Variants in CYP4F11 observed in about 807,000 individuals in gnomAD.
CYP4F11 encodes the protein cytochrome P450 family 4 subfamily F member 11.
In CYP4F11, 79 loss-of-function variants were observed where a neutral mutation model predicts 62.2. The observed-to-expected ratio is 1.27, with a 90% CI of 1.06 to 1.53. CYP4F11 has a LOEUF of 1.53. Among genes scored for constraint, CYP4F11 ranks in the 40% most tolerant of loss-of-function variants. CYP4F11 has a pLI of 0.00. For synonymous variants in CYP4F11, 290 were observed against 263.7 expected, an observed-to-expected ratio of 1.10 and a Z score of -0.97; for missense variants, 777 against 680.5, an observed-to-expected ratio of 1.14 and a Z score of -1.58.
Position 15,913,648 on chromosome 19 carries a change from C to G in CYP4F11, c.*84G>C. On this transcript the variant is annotated 3_prime_UTR_variant, in exon 12 of 12. Coordinates refer to ENST00000402119, the MANE Select transcript of CYP4F11 (RefSeq NM_021187.4). ...CCCACCAGTCCCCAGGAGCCCCATG[C>G]TGGCTGTCAACGAGGCTCAAGCAGA... 1 of 1,545,802 alleles carries G rather than the reference C, an allele frequency of 6.5e-7. No homozygotes were observed.
At chr19:15,914,699 C>T in intron 9 of CYP4F11, 33 bp from the exon 10 acceptor site, 2 of 1,613,844 alleles carry the variant, frequency 1.2e-6, no homozygotes, top group Non-Finnish European at 1.7e-6. Context: ...CAGGACAAGG[C>T]CCCCCTGCCT....
At chr19:15,920,635 G>T (rs1333154408) in intron 8 of CYP4F11, among the ~76,000 whole-genome samples, 1 of 152,124 alleles carries the variant, frequency 6.6e-6, no homozygotes, top group Non-Finnish European at 1.5e-5. Context: ...TCCATCCCCA[G>T]CTCCTGGCCT....
At chr19:15,931,594 GAGTGAGTGAGGAGAGGAA>G (rs2089722006) in intron 1 of CYP4F11, among the ~76,000 whole-genome samples, 10 of 120,054 alleles carry the variant, frequency 8.3e-5, no homozygotes, top group Admixed American at 2.4e-4. Flanking sequence ...GGAGAGGAAT[GAGTGAGTGAGGAGAGGAA>G]TGAGTGAGCG....
chr19:15,915,047 G>GAAAA, intron 8 of CYP4F11, 152 bp from the exon 9 acceptor site: 1 of 1,336,398 alleles, frequency 7.5e-7, no homozygotes, highest in South Asian at 1.8e-5. Context: ...AAAAAAATTA[G>GAAAA]AAAAGCAGAA....
At chr19:15,925,778 G>A (rs960995114) in intron 4 of CYP4F11, among the ~76,000 whole-genome samples, 16 of 147,610 alleles carry the variant, frequency 1.1e-4, no homozygotes, top group South Asian at 2.1e-4. Flanking sequence ...TGTTTGGGCC[G>A]TTTCTCAGAA....
chr19:15,918,449 T>A (rs75374818), intron 8 of CYP4F11, among the ~76,000 whole-genome samples: 22,294 of 151,980 alleles, frequency 0.15, 1,860 homozygotes, highest in South Asian at 0.29. Flanking sequence ...TTGAAAAAAA[T>A]AATAATAATA....
At chr19:15,926,854 T>A (rs368838771) in intron 4 of CYP4F11, among the ~76,000 whole-genome samples, 1 of 33,078 alleles carries the variant, frequency 3.0e-5, no homozygotes, top group South Asian at 9.8e-4. Flanking sequence ...ACCAGCCAAC[T>A]GTCTCACACA....
intron 11 of CYP4F11, 108 bp from the exon 12 acceptor site, chr19:15,914,017 G>A: frequency 1.5e-6 from 2 of 1,350,786 alleles, no homozygotes; most frequent in Non-Finnish European, 2.0e-6. Flanking sequence ...AGGCTTGAGG[G>A]GCAGAAAGAG....
intron 5 of CYP4F11, among the ~76,000 whole-genome samples, chr19:15,924,504 C>G (rs2089654137): frequency 2.6e-5 from 4 of 152,194 alleles, no homozygotes; most frequent in Non-Finnish European, 1.5e-5. Context: ...CAACCCTCTT[C>G]AAAAGATTCC....
At chr19:15,920,856 A>C (rs2886294) in intron 8 of CYP4F11, among the ~76,000 whole-genome samples, 51,160 of 151,558 alleles carry the variant, frequency 0.34, 9,288 homozygotes, top group Non-Finnish European at 0.41. Context: ...ATCATGACTC[A>C]GTTTCTCCCT....
At position 15,924,833 on chromosome 19, in the gene CYP4F11, A is replaced by G. The variant is rs748534899; in HGVS notation, c.575T>C (p.Phe192Ser). The change falls in exon 5 of 12, where the codon TTT (phenylalanine) becomes TCT (serine). Residue 192 changes from phenylalanine (F) to serine (S), a missense_variant. Transcript: ENST00000402119. ...CAAGGTCATGAGGCTGATGTGTTCA[A>G]ACATGTCCAGTCTGGCGCTGCCCTC... Reference protein sequence around the residue: ...ASEGSARLDMFEHISLMTLDS... With the variant: ...ASEGSARLDMSEHISLMTLDS... 5 of 1,613,162 alleles carry G rather than the reference A, an allele frequency of 3.1e-6. No homozygotes were observed. In the South Asian group the frequency reaches 5.5e-5, roughly 18 times the overall value.
chr19:15,913,877 T>C lies in CYP4F11; in HGVS notation c.1430A>G (p.Glu477Gly). ...GGTGAGCGCCAGGACCACCTTCATC[T>C]CAGCCATGGCGAACGCCTGCCCGAT... Reference protein sequence around the residue: ...NCIGQAFAMAEMKVVLALTLL... With the variant: ...NCIGQAFAMAGMKVVLALTLL... The change falls in exon 12 of 12, where the codon GAG becomes GGG. Residue 477 changes from glutamate (E) to glycine (G), a missense_variant. Physicochemically the swap from Glu to Gly is moderately conservative, Grantham distance 98. Coordinates refer to ENST00000402119, the MANE Select transcript of CYP4F11 (RefSeq NM_021187.4). 1.9e-6 allele frequency: 3 copies of C among 1,614,000 alleles called. No individual in the cohort carries two copies.
At chr19:15,931,551 AAT>A (rs2089718692) in intron 1 of CYP4F11, among the ~76,000 whole-genome samples, 11 of 114,634 alleles carry the variant, frequency 9.6e-5, no homozygotes, top group Non-Finnish European at 1.9e-4. Flanking sequence ...CGGGGAGAGG[AAT>A]GAGTGAGCGA....
At chr19:15,925,760 C>CACA (rs755939858) in intron 4 of CYP4F11, among the ~76,000 whole-genome samples, 2 of 65,338 alleles carry the variant, frequency 3.1e-5, no homozygotes, top group Non-Finnish European at 3.4e-5. Context: ...ACACACACAC[C>CACA]CTGTAGTTGT....
chr19:15,934,414 A>G lies in CYP4F11; in HGVS notation c.-6T>C. On this transcript the variant is annotated 5_prime_UTR_variant, in exon 1 of 12. Transcript: ENST00000402119. Reference sequence around the variant, plus strand: ...GACAGGCTCAGCTGCGGCATCCTGCAGGGCAGACGGGATGGAGGGTGGGAT... The same window carrying G: ...GACAGGCTCAGCTGCGGCATCCTGCGGGGCAGACGGGATGGAGGGTGGGAT... The G allele has an allele frequency of 1.9e-6, 3 of 1,612,238 alleles. No individual in the cohort carries two copies. Among genetic ancestry groups the G allele is most frequent in the Non-Finnish European group, 2.5e-6 (3 of 1,179,312 alleles).
At chr19:15,929,317 G>T in intron 2 of CYP4F11, 140 bp downstream of exon 2, 1 of 1,153,142 alleles carries the variant, frequency 8.7e-7, no homozygotes, top group East Asian at 2.4e-5. Flanking sequence ...AATACATGAA[G>T]GAAAGAGGAA....
intron 11 of CYP4F11, 90 bp downstream of exon 11, chr19:15,914,215 G>A: frequency 6.9e-7 from 1 of 1,448,506 alleles, no homozygotes; most frequent in Non-Finnish European, 9.5e-7. Context: ...GAGGGAAGGA[G>A]AGCTGGAACT....
rs147994994 is a variant in CYP4F11, at chr19:15,914,659, G to C, written c.1257C>G (p.Val419=). 1 of 1,614,230 alleles carries C rather than the reference G, an allele frequency of 6.2e-7. No individual in the cohort carries two copies. Among genetic ancestry groups the C allele is most frequent in the Non-Finnish European group, 8.5e-7 (1 of 1,180,038 alleles). ...GGATCCCGATAATATTGATGAGGCA[G>C]ACAATGCCTGTGGGAGAGAAGAGGG... is the stretch of plus-strand genomic sequence containing the variant. The part of the protein sequence containing the change: ...PDGRVIPKGI[V]CLINIIGIHY... The change falls in exon 10 of 12, where the codon GTC becomes GTG. Residue 419 remains valine (V), a synonymous_variant. Transcript: ENST00000402119.
chr19:15,924,781 G>A lies in CYP4F11; in HGVS notation c.627C>T (p.Ser209=). ...TLDSLQKCVF[S]FESNCQEKPS... ...CTCACTCCTGACAATTGCTTTCAAA[G>A]CTGAAGACACATTTCTGCAGACTGT... The change falls in exon 5 of 12, where the codon AGC becomes AGT. Residue 209 remains serine, a synonymous_variant. Coordinates refer to ENST00000402119, the MANE Select transcript of CYP4F11 (RefSeq NM_021187.4). 9 of 1,612,322 alleles carry A rather than the reference G, an allele frequency of 5.6e-6. No individual in the cohort carries two copies. The highest frequency in any genetic ancestry group is 7.6e-6 in the Non-Finnish European group (9 of 1,178,890).
Sources: allele counts gnomAD v4.1 joint callset (sites outside exome capture counted in the v4.1 genomes callset), GRCh38; gene constraint gnomAD v4.1.1; transcripts MANE v1.5; gene names NCBI Gene and HGNC (gene_info 2026-07-23, HGNC 2026-07-21).